Variants in SLC24A2 observed in about 807,000 individuals in gnomAD.
The protein encoded by SLC24A2 is solute carrier family 24 member 2.
A neutral mutation model predicts 62.0 loss-of-function variants in SLC24A2; 36 were observed. That is an observed-to-expected ratio of 0.58 (90% CI 0.44 to 0.77). SLC24A2 has a LOEUF of 0.77. Among genes scored for constraint, SLC24A2 ranks in the 30% least tolerant of loss-of-function variants. The probability of loss-of-function intolerance (pLI) is 0.00; values close to 1 mark genes in which losing one functional copy is unlikely to be tolerated. For synonymous variants in SLC24A2, 358 were observed against 294.0 expected, an observed-to-expected ratio of 1.22 and a Z score of -2.23; for missense variants, 846 against 817.9, an observed-to-expected ratio of 1.03 and a Z score of -0.42.
At chr9:20,151,811 G>A in the SLC24A2 span, among the ~76,000 whole-genome samples, 1 of 151,620 alleles carries the variant, frequency 6.6e-6, no homozygotes, top group African/African-American at 2.4e-5. Flanking sequence ...CTCCCACTCA[G>A]TTAATCTTTC....
At chr9:19,713,063 G>A (rs964644889) in intron 2 of SLC24A2, among the ~76,000 whole-genome samples, 1 of 152,014 alleles carries the variant, frequency 6.6e-6, no homozygotes, top group Non-Finnish European at 1.5e-5. Flanking sequence ...ACACCTCTCT[G>A]TCCCCTTTCC....
chr9:19,779,707 C>T (rs1822953165), intron 2 of SLC24A2, among the ~76,000 whole-genome samples: 1 of 152,156 alleles, frequency 6.6e-6, no homozygotes, highest in Non-Finnish European at 1.5e-5. Context: ...GGTAAAATGA[C>T]AATGTCTAAT....
At chr9:19,846,712 A>G in the SLC24A2 span, among the ~76,000 whole-genome samples, 7 of 152,102 alleles carry the variant, frequency 4.6e-5, no homozygotes, top group East Asian at 1.2e-3. Context: ...ATTTTTATTT[A>G]TATTAAGTGT....
At chr9:19,949,787 G>A in the SLC24A2 span, among the ~76,000 whole-genome samples, 1 of 152,206 alleles carries the variant, frequency 6.6e-6, no homozygotes, top group Non-Finnish European at 1.5e-5. Context: ...ACAACACCTA[G>A]TGGATAGTGA....
intron 2 of SLC24A2, among the ~76,000 whole-genome samples, chr9:19,677,143 A>C (rs1413774977): frequency 6.6e-6 from 1 of 152,240 alleles, no homozygotes; most frequent in African/African-American, 2.4e-5. Flanking sequence ...TGTTCACTGC[A>C]GCACTATTCA....
chr9:19,835,591 C>A, the SLC24A2 span, among the ~76,000 whole-genome samples: 1 of 152,116 alleles, frequency 6.6e-6, no homozygotes, highest in South Asian at 2.1e-4. Flanking sequence ...CCTTACTGAC[C>A]TACAAAGAGA....
At chr9:19,551,279 C>T (rs189540301) in intron 7 of SLC24A2, among the ~76,000 whole-genome samples, 2 of 152,172 alleles carry the variant, frequency 1.3e-5, no homozygotes, top group African/African-American at 2.4e-5. Flanking sequence ...AGACAGTGAA[C>T]CTGCACGGGG....
chr9:19,960,373 G>C, the SLC24A2 span, among the ~76,000 whole-genome samples: 2 of 151,798 alleles, frequency 1.3e-5, no homozygotes, highest in African/African-American at 2.4e-5. Context: ...TGCTGTTTGG[G>C]ACCCACTTAT....
At chr9:19,601,352 T>C (rs984506973) in intron 4 of SLC24A2, among the ~76,000 whole-genome samples, 3 of 152,022 alleles carry the variant, frequency 2.0e-5, no homozygotes, top group Non-Finnish European at 4.4e-5. Flanking sequence ...TGGGGACAAA[T>C]AAGGGAATAA....
rs967713703 is a variant in SLC24A2, at chr9:19,507,716, C to T, written c.*8437G>A. 6.6e-6 allele frequency: 1 copy of T among 152,188 alleles called. No individual in the cohort carries two copies. The highest frequency in any genetic ancestry group is 6.5e-5 in the Admixed American group (1 of 15,274). The allele number at this position is 152,188 out of a possible 1,614,324, so 9.4% of individuals were successfully genotyped here. A position where few individuals can be genotyped will look rare whatever the true frequency, so the allele number is the denominator to read the frequency against. ...AAACTGACATAGTATCACCATGTAT[C>T]TCATCATCCAGTGAAAATTACGCAT... On this transcript the variant is annotated 3_prime_UTR_variant, in exon 11 of 11. Coordinates refer to ENST00000341998, the MANE Select transcript of SLC24A2 (RefSeq NM_020344.4).
chr9:20,088,937 G>T, the SLC24A2 span, among the ~76,000 whole-genome samples: 1 of 152,154 alleles, frequency 6.6e-6, no homozygotes, highest in Non-Finnish European at 1.5e-5. Flanking sequence ...CTAGGGACTG[G>T]AATAGACTCC....
intron 7 of SLC24A2, among the ~76,000 whole-genome samples, chr9:19,556,911 A>G (rs958576827): frequency 4.6e-5 from 7 of 152,192 alleles, no homozygotes; most frequent in African/African-American, 1.4e-4. Flanking sequence ...TCAATTAATC[A>G]TATGGACAAT....
chr9:19,697,450 G>T (rs534076932), intron 2 of SLC24A2, among the ~76,000 whole-genome samples: 1 of 152,144 alleles, frequency 6.6e-6, no homozygotes, highest in East Asian at 1.9e-4. Context: ...AAAAGTTGAA[G>T]AGAAAAAAAT....
In SLC24A2 at chr9:19,681,246, G is replaced by A. The variant is rs112653019; in HGVS notation, c.931-58947C>T. Among the ~76,000 whole-genome samples the A allele has an allele frequency of 1.9e-3, 288 of 152,102 alleles. 2 individuals carry two copies. Among genetic ancestry groups the A allele is most frequent in the African/African-American group, 6.8e-3 (282 of 41,484 alleles). On this transcript the variant is annotated intron_variant, in intron 2 of 10. Transcript: ENST00000341998. Reference sequence around the variant, plus strand: ...TCTCTCTGCAATGCTGTTTACACTAGCTATCCACATAGATCTCTGTTATCT... The same window carrying A: ...TCTCTCTGCAATGCTGTTTACACTAACTATCCACATAGATCTCTGTTATCT...
chr9:19,605,055 A>G (rs977458827), intron 4 of SLC24A2, among the ~76,000 whole-genome samples: 8 of 152,220 alleles, frequency 5.3e-5, no homozygotes, highest in Non-Finnish European at 1.0e-4. Flanking sequence ...CAGGATGCAA[A>G]GAAAGGGTGG....
At chr9:20,053,907 A>T in the SLC24A2 span, among the ~76,000 whole-genome samples, 3 of 152,180 alleles carry the variant, frequency 2.0e-5, no homozygotes, top group Non-Finnish European at 2.9e-5. Flanking sequence ...CTGCTTTCCA[A>T]TTCCCCATTG....
At chr9:19,585,474 C>A (rs1836346076) in intron 5 of SLC24A2, among the ~76,000 whole-genome samples, 1 of 152,156 alleles carries the variant, frequency 6.6e-6, no homozygotes, top group Non-Finnish European at 1.5e-5. Context: ...AATCAGTTCT[C>A]CAGAAGCAAT....
At chr9:19,819,385 G>C in the SLC24A2 span, among the ~76,000 whole-genome samples, 1 of 152,070 alleles carries the variant, frequency 6.6e-6, no homozygotes, top group Non-Finnish European at 1.5e-5. Flanking sequence ...GCACGGCAAA[G>C]GGAACAGTCA....
chr9:20,090,855 G>T, the SLC24A2 span, among the ~76,000 whole-genome samples: 1 of 152,156 alleles, frequency 6.6e-6, no homozygotes, highest in Non-Finnish European at 1.5e-5. Flanking sequence ...AAACCAGGCT[G>T]TGTTGACTGA....
Sources: allele counts gnomAD v4.1 joint callset (sites outside exome capture counted in the v4.1 genomes callset), GRCh38; gene constraint gnomAD v4.1.1; transcripts MANE v1.5; gene names NCBI Gene and HGNC (gene_info 2026-07-23, HGNC 2026-07-21).